Variants in HECW2 observed in about 807,000 individuals in gnomAD.
HECW2 encodes E3 ubiquitin-protein ligase HECW2.
HECW2 carries 61 observed loss-of-function variants against 175.2 expected under a neutral mutation model. That is an observed-to-expected ratio of 0.35 (90% CI 0.28 to 0.43). The LOEUF (loss-of-function observed/expected upper bound fraction) is 0.43. Among genes scored for constraint, HECW2 ranks in the 20% least tolerant of loss-of-function variants. The probability of loss-of-function intolerance (pLI) is 1.00; values close to 1 mark genes in which losing one functional copy is unlikely to be tolerated. For synonymous variants in HECW2, 671 were observed against 731.0 expected (o/e 0.92, Z 1.32); for missense variants, 1,524 against 2,000.5 (o/e 0.76, Z 4.54).
At chr2:196,315,833 T>C (rs978400773) in intron 10 of HECW2, 1 of 152,144 alleles carries the variant, frequency 6.6e-6, no homozygotes, top group African/African-American at 2.4e-5. Flanking sequence ...ATTACAGCAA[T>C]TGGATGTGGC....
intron 2 of HECW2, among the ~76,000 whole-genome samples, chr2:196,367,216 T>A (rs924082300): frequency 6.6e-6 from 1 of 152,104 alleles, no homozygotes; most frequent in Non-Finnish European, 1.5e-5. Context: ...GCTGAAAGAG[T>A]AGTTCTTAAA....
chr2:196,236,545 C>T (rs2105867377), intron 21 of HECW2, among the ~76,000 whole-genome samples: 1 of 152,228 alleles, frequency 6.6e-6, no homozygotes, highest in South Asian at 2.1e-4. Context: ...ACCTAATGTC[C>T]CTTATCTGTT....
At chr2:196,284,312 C>A (rs919422471) in intron 14 of HECW2, among the ~76,000 whole-genome samples, 1 of 152,128 alleles carries the variant, frequency 6.6e-6, no homozygotes, top group African/African-American at 2.4e-5. Context: ...TATTTGTATC[C>A]CACAAGGGGC....
intron 1 of HECW2, among the ~76,000 whole-genome samples, chr2:196,437,317 GA>G (rs2125281577): frequency 6.6e-6 from 1 of 152,096 alleles, no homozygotes; most frequent in Admixed American, 6.5e-5. Context: ...TCCTGCAAAA[GA>G]AACCATGCAC....
chr2:196,386,484 A>C (rs1694354527), intron 2 of HECW2, among the ~76,000 whole-genome samples: 1 of 152,204 alleles, frequency 6.6e-6, no homozygotes, highest in South Asian at 2.1e-4. Context: ...AGGAGTGCAG[A>C]TATTAACAGC....
Position 196,485,012 on chromosome 2 carries a change from A to C in HECW2, c.-35-51554T>G, listed in dbSNP as rs149277828. Among the ~76,000 whole-genome samples the C allele has an allele frequency of 5.0e-3, 763 of 152,312 alleles. 6 individuals carry two copies. Among genetic ancestry groups the C allele is most frequent in the Middle Eastern group, 0.014 (4 of 294 alleles). On this transcript the variant is annotated intron_variant, in intron 1 of 28. Coordinates refer to ENST00000644978, the MANE Select transcript of HECW2 (RefSeq NM_001348768.2). ...CTGAATCAACCCAGTATGGTTGGAG[A>C]GCAGGGGAGAAGAGGACAGAGTTAT...
intron 1 of HECW2, among the ~76,000 whole-genome samples, chr2:196,583,893 A>G (rs1023986347): frequency 1.3e-5 from 2 of 152,234 alleles, no homozygotes; most frequent in East Asian, 3.8e-4. Flanking sequence ...ATGGAAAACA[A>G]TAACTAGTGT....
intron 1 of HECW2, among the ~76,000 whole-genome samples, chr2:196,447,030 C>T (rs1356166164): frequency 1.3e-5 from 2 of 152,250 alleles, no homozygotes; most frequent in Middle Eastern, 3.4e-3. Flanking sequence ...GGCAAAGACT[C>T]ATCTGGAAGA....
intron 14 of HECW2, 94 bp from the exon 15 acceptor site, chr2:196,278,756 C>T (rs1314891547): frequency 2.2e-6 from 3 of 1,366,348 alleles, no homozygotes; most frequent in Non-Finnish European, 3.1e-6. Context: ...ACTTCTGAGT[C>T]ACAATCTTAG....
chr2:196,533,682 G>A (rs1688920911), intron 1 of HECW2, among the ~76,000 whole-genome samples: 1 of 152,138 alleles, frequency 6.6e-6, no homozygotes, highest in African/African-American at 2.4e-5. Context: ...AACTAGACAA[G>A]AAGCTCTGTT....
chr2:196,219,689 G>C (rs1244315028), intron 26 of HECW2, among the ~76,000 whole-genome samples: 1 of 152,178 alleles, frequency 6.6e-6, no homozygotes, highest in Non-Finnish European at 1.5e-5. Context: ...CTAAGTTTTA[G>C]AAACAAAATG....
At chr2:196,328,496 T>C (rs1692237460) in intron 5 of HECW2, among the ~76,000 whole-genome samples, 1 of 152,166 alleles carries the variant, frequency 6.6e-6, no homozygotes, top group Admixed American at 6.6e-5. Flanking sequence ...CAGAAGGCCA[T>C]GGGCCAGCAA....
intron 1 of HECW2, among the ~76,000 whole-genome samples, chr2:196,440,188 G>T (rs564862169): frequency 1.3e-5 from 2 of 152,118 alleles, no homozygotes; most frequent in African/African-American, 4.8e-5. Flanking sequence ...ATATTCAAAT[G>T]CAAGTCTCTG....
intron 14 of HECW2, among the ~76,000 whole-genome samples, chr2:196,281,490 T>C (rs950428780): frequency 1.2e-4 from 18 of 151,416 alleles, no homozygotes; most frequent in African/African-American, 4.4e-4. Flanking sequence ...ATTCAAAAAT[T>C]ATCCGGGCAT....
chr2:196,491,678 T>C (rs1287113034), intron 1 of HECW2, among the ~76,000 whole-genome samples: 2 of 151,884 alleles, frequency 1.3e-5, no homozygotes, highest in African/African-American at 2.4e-5. Context: ...ACAAAGAGCT[T>C]TGTGTCTTTA....
chr2:196,273,980 G>A (rs760895804), intron 16 of HECW2, 41 bp downstream of exon 16: 59 of 1,401,738 alleles, frequency 4.2e-5, no homozygotes, highest in Non-Finnish European at 5.8e-5. Context: ...TACAGATAAT[G>A]GCACAAAAGG....
intron 7 of HECW2, among the ~76,000 whole-genome samples, chr2:196,321,139 C>T (rs1030206051): frequency 1.3e-5 from 2 of 152,184 alleles, no homozygotes; most frequent in African/African-American, 4.8e-5. Flanking sequence ...CTCAGGGTGC[C>T]TTGTAAGCAG....
intron 4 of HECW2, among the ~76,000 whole-genome samples, chr2:196,330,854 T>C (rs978456688): frequency 2.6e-5 from 4 of 152,346 alleles, no homozygotes; most frequent in Admixed American, 6.5e-5. Flanking sequence ...CAATTCTATA[T>C]TGAGTTCTCT....
At chr2:196,445,293 T>C (rs1488114237) in intron 1 of HECW2, among the ~76,000 whole-genome samples, 2 of 152,242 alleles carry the variant, frequency 1.3e-5, no homozygotes, top group African/African-American at 2.4e-5. Context: ...TGAATAAATC[T>C]TGACTTTTCT....
Sources: gnomAD v4.1 joint callset for allele counts (sites outside exome capture counted in the v4.1 genomes callset) on GRCh38, gnomAD v4.1.1 for gene constraint, MANE v1.5 for transcripts, NCBI Gene and HGNC (gene_info 2026-07-23, HGNC 2026-07-21) for gene names.